The following TICRR variants were observed in gnomAD, a reference collection of about 807,000 sequenced individuals.
TICRR encodes the protein treslin.
Under a neutral mutation model 178.1 loss-of-function variants are expected in TICRR, and 132 were observed. That is an observed-to-expected ratio of 0.74 (90% CI 0.64 to 0.86). TICRR has a LOEUF of 0.86. Ranked by LOEUF, TICRR falls within the 40% of genes least tolerant of loss-of-function variation. The probability of loss-of-function intolerance (pLI) is 0.00; values close to 1 mark genes in which losing one functional copy is unlikely to be tolerated. For missense variants in TICRR, 2,587 were observed against 2,334.3 expected, an observed-to-expected ratio of 1.11 and a Z score of -2.23; for synonymous variants, 991 against 900.7, an observed-to-expected ratio of 1.10 and a Z score of -1.79.
intron 12 of TICRR, among the ~76,000 whole-genome samples, chr15:89,602,338 C>G (rs1464821314): frequency 6.6e-6 from 1 of 152,150 alleles, no homozygotes. Context: ...AGCATTGTTA[C>G]TGAATAGCAG....
intron 19 of TICRR, among the ~76,000 whole-genome samples, chr15:89,621,884 T>C (rs1284143990): frequency 6.6e-6 from 1 of 151,716 alleles, no homozygotes; most frequent in Admixed American, 6.6e-5. Flanking sequence ...GCCCACTCCA[T>C]CCAGTCACCA....
At chr15:89,581,981 T>C (rs1258010248) in intron 1 of TICRR, among the ~76,000 whole-genome samples, 1 of 152,074 alleles carries the variant, frequency 6.6e-6, no homozygotes, top group East Asian at 1.9e-4. Flanking sequence ...CCTGCCTCAC[T>C]CCCATGACAC....
At chr15:89,618,410 A>G (rs775251584) in intron 17 of TICRR, among the ~76,000 whole-genome samples, 200 bp downstream of exon 17, 1 of 152,202 alleles carries the variant, frequency 6.6e-6, no homozygotes, top group Non-Finnish European at 1.5e-5. Context: ...GAAAAGAAAT[A>G]TTTTTGCACA....
At chr15:89,579,684 C>G (rs75491982) in intron 1 of TICRR, 1 of 151,926 alleles carries the variant, frequency 6.6e-6, no homozygotes, top group African/African-American at 2.4e-5. Context: ...CCCTCCAAAA[C>G]TCATGGAGTA....
rs141709700 is a variant in TICRR at position 89,616,661 on chromosome 15, T to G, written c.2960+166T>G. Reference sequence around the variant, plus strand: ...TCTCCATGGGAGCAGGAGAACCATATAAAATATACACTTGTCTGGCCTCAA... The same window carrying G: ...TCTCCATGGGAGCAGGAGAACCATAGAAAATATACACTTGTCTGGCCTCAA... On this transcript the variant is annotated intron_variant, in intron 16 of 21. Coordinates refer to ENST00000268138, the MANE Select transcript of TICRR (RefSeq NM_152259.4). Among the ~76,000 whole-genome samples, 747 of 152,338 alleles carry G rather than the reference T, an allele frequency of 4.9e-3. 11 individuals are homozygous for G. The highest frequency in any genetic ancestry group is 0.017 in the African/African-American group (714 of 41,570).
chr15:89,575,652 G>A lies in TICRR; in HGVS notation c.66G>A (p.Arg22=). 6.4e-7 allele frequency: 1 copy of A among 1,570,276 alleles called. No individual in the cohort carries two copies. Among genetic ancestry groups the A allele is most frequent in the Non-Finnish European group, 8.6e-7 (1 of 1,160,444 alleles). ...DTAGGAARHS[R]VRRAALRLLT... is the part of the protein sequence containing the mutation. ...CGGGCGGCGCCGCCCGCCACAGCCG[G>A]GTCCGGCGGGCCGCCCTGCGCCTCC... is the stretch of plus-strand genomic sequence containing the variant. Residue 22 remains arginine, a synonymous_variant, in exon 1 of 22, where the codon CGG becomes CGA. Coordinates refer to ENST00000268138, the MANE Select transcript of TICRR (RefSeq NM_152259.4).
In TICRR at chr15:89,575,799, C is replaced by G; in HGVS notation, c.213C>G (p.Arg71=). 6.2e-7 allele frequency: 1 copy of G among 1,605,676 alleles called. No homozygotes were observed. Reference sequence around the variant, plus strand: ...CTGACTTCCGCGAGCTGGGGTCCCGCTCGTGGGAGGACTTTGAGGAGGAGC... The same window carrying G: ...CTGACTTCCGCGAGCTGGGGTCCCGGTCGTGGGAGGACTTTGAGGAGGAGC... ...RVSDFRELGS[R]SWEDFEEELE... The change falls in exon 1 of 22, where the codon CGC becomes CGG. Residue 71 remains arginine, a synonymous_variant. Transcript: ENST00000268138.
At position 89,626,981 on chromosome 15, in the gene TICRR, C is replaced by T. The variant is rs1963540375; in HGVS notation, c.5628C>T (p.Ser1876=). 1 of 1,614,034 alleles carries T rather than the reference C, an allele frequency of 6.2e-7. No individual in the cohort carries two copies. The highest frequency in any genetic ancestry group is 8.5e-7 in the Non-Finnish European group (1 of 1,180,024). Residue 1876 remains serine (S), a synonymous_variant, in exon 22 of 22, where the codon TCC becomes TCT. Coordinates refer to ENST00000268138, the MANE Select transcript of TICRR (RefSeq NM_152259.4). ...PRDEDVDVLP[S]TVEDSPFSRA... ...ATGAGGATGTGGATGTTCTTCCCTC[C>T]ACTGTAGAAGACTCTCCTTTCAGTC...
intron 4 of TICRR, among the ~76,000 whole-genome samples, chr15:89,591,220 G>A (rs573664004): frequency 3.3e-4 from 50 of 152,240 alleles, no homozygotes; most frequent in African/African-American, 1.2e-3. Flanking sequence ...CAGCCTCCCG[G>A]GTTCAAGCTT....
chr15:89,575,540 G>T lies in TICRR; in HGVS notation c.-47G>T. On this transcript the variant is annotated 5_prime_UTR_variant, in exon 1 of 22. Coordinates refer to ENST00000268138, the MANE Select transcript of TICRR (RefSeq NM_152259.4). ...TCCCTGAAGGAAGGGACTAAGGGACGGTGGCGCGGGCCCGGACCGGGGCCC... is the reference window on the plus strand; with the variant it reads ...TCCCTGAAGGAAGGGACTAAGGGACTGTGGCGCGGGCCCGGACCGGGGCCC... 1 of 1,440,968 alleles carries T rather than the reference G, an allele frequency of 6.9e-7. No homozygotes were observed. Among genetic ancestry groups the T allele is most frequent in the East Asian group, 2.6e-5 (1 of 38,624 alleles). The allele number at this position is 1,440,968 out of a possible 1,614,324, so 89.3% of individuals were successfully genotyped here.
intron 8 of TICRR, 35 bp from the exon 9 acceptor site, chr15:89,600,550 C>T (rs1232814678): frequency 1.0e-6 from 1 of 966,192 alleles, no homozygotes; most frequent in Non-Finnish European, 1.6e-6. Flanking sequence ...TGACAAGTAA[C>T]ACTATTCTCC....
chr15:89,624,518 C>A lies in TICRR; in HGVS notation c.4208C>A (p.Ser1403Tyr), dbSNP rs1290430647. Residue 1403 changes from serine to tyrosine, a missense_variant, in exon 20 of 22, where the codon TCC becomes TAC. Coordinates refer to ENST00000268138, the MANE Select transcript of TICRR (RefSeq NM_152259.4). ...RSIVECQPDA[S>Y]ATPGVGTADS... Reference sequence around the variant, plus strand: ...ATCGTGGAGTGTCAGCCTGATGCCTCCGCTACTCCTGGGGTTGGCACAGCT... The same window carrying A: ...ATCGTGGAGTGTCAGCCTGATGCCTACGCTACTCCTGGGGTTGGCACAGCT... The A allele has an allele frequency of 6.2e-7, 1 of 1,614,090 alleles. No individual in the cohort carries two copies. Among genetic ancestry groups the A allele is most frequent in the East Asian group, 2.2e-5 (1 of 44,878 alleles).
intron 4 of TICRR, among the ~76,000 whole-genome samples, chr15:89,587,821 A>T (rs1962847212): frequency 1.3e-5 from 2 of 152,214 alleles, no homozygotes; most frequent in African/African-American, 4.8e-5. Flanking sequence ...TTTTTGGAGT[A>T]GTTTTGATCT....
intron 9 of TICRR, among the ~76,000 whole-genome samples, chr15:89,601,085 A>G (rs969544870): frequency 6.7e-6 from 1 of 149,622 alleles, no homozygotes; most frequent in Non-Finnish European, 1.5e-5. Flanking sequence ...TACCAACTGC[A>G]TGAAGATGCT....
At chr15:89,597,018 T>A (rs549962528) in intron 7 of TICRR, among the ~76,000 whole-genome samples, 64 of 152,370 alleles carry the variant, frequency 4.2e-4, no homozygotes, top group Non-Finnish European at 7.1e-4. Flanking sequence ...TAAGATTGAT[T>A]CTTTAATATT....
At chr15:89,609,015 C>T (rs531625781) in intron 15 of TICRR, 66 bp downstream of exon 15, 25 of 1,411,126 alleles carry the variant, frequency 1.8e-5, no homozygotes, top group African/African-American at 6.1e-5. Flanking sequence ...AGTAATGTAC[C>T]GTCTTTCTTT....
intron 15 of TICRR, among the ~76,000 whole-genome samples, chr15:89,611,114 C>G (rs555910347): frequency 6.6e-6 from 1 of 151,412 alleles, no homozygotes; most frequent in East Asian, 1.9e-4. Flanking sequence ...TTACCTTTAC[C>G]GTTGTTTTTT....
Position 89,625,201 on chromosome 15 carries a change from C to T in TICRR, c.4891C>T (p.His1631Tyr). 1 of 1,613,778 alleles carries T rather than the reference C, an allele frequency of 6.2e-7. No homozygotes were observed. The highest frequency in any genetic ancestry group is 8.5e-7 in the Non-Finnish European group (1 of 1,179,880). ...YVSPPCPRLS[H>Y]STPGKSRGQT... is the part of the protein sequence containing the mutation. ...GTCACCCCCCTGCCCCCGCCTCTCC[C>T]ACAGCACACCTGGCAAGAGCAGGGG... The change falls in exon 20 of 22, where the codon CAC (histidine) becomes TAC (tyrosine). Residue 1631 changes from histidine (H) to tyrosine (Y), a missense_variant. Coordinates refer to ENST00000268138, the MANE Select transcript of TICRR (RefSeq NM_152259.4).
At position 89,621,382 on chromosome 15, in the gene TICRR, T is replaced by C; in HGVS notation, c.3155-11T>C. ...AAAGAATTAAATATTGTTGCTGTTT[T>C]TGACTTGCAGACCAAAGAGAAAATT... On this transcript the variant is annotated splice_polypyrimidine_tract_variant and intron_variant, in intron 18 of 21. Transcript: ENST00000268138. 1 of 1,589,374 alleles carries C rather than the reference T, an allele frequency of 6.3e-7. No homozygotes were observed. The highest frequency in any genetic ancestry group is 2.2e-5 in the East Asian group (1 of 44,728).
Sources: allele counts gnomAD v4.1 joint callset (sites outside exome capture counted in the v4.1 genomes callset), GRCh38; gene constraint gnomAD v4.1.1; transcripts MANE v1.5; gene names NCBI Gene and HGNC (gene_info 2026-07-23, HGNC 2026-07-21).